HEMK2: variants seen among roughly 807,000 people sequenced by gnomAD.
HEMK2 encodes methyltransferase HEMK2.
At chr21:28,581,997 C>A in the HEMK2 span, among the ~76,000 whole-genome samples, 1 of 152,152 alleles carries the variant, frequency 6.6e-6, no homozygotes, top group African/African-American at 2.4e-5. Context: ...TTACAAAATG[C>A]AAACTGTATT....
the HEMK2 span, among the ~76,000 whole-genome samples, chr21:28,831,749 A>G: frequency 6.7e-6 from 1 of 148,806 alleles, no homozygotes. Context: ...GAAAGAAAGA[A>G]AGAAAGAAAG....
chr21:28,689,977 A>G, the HEMK2 span, among the ~76,000 whole-genome samples: 1 of 152,214 alleles, frequency 6.6e-6, no homozygotes, highest in Non-Finnish European at 1.5e-5. Context: ...TATAAAGGAA[A>G]GAGGTTTAGT....
chr21:28,622,639 G>A, the HEMK2 span, among the ~76,000 whole-genome samples: 21 of 152,072 alleles, frequency 1.4e-4, no homozygotes, highest in South Asian at 4.2e-3. Flanking sequence ...GATATATATA[G>A]AAAATGGAAC....
At chr21:28,592,445 T>C in the HEMK2 span, among the ~76,000 whole-genome samples, 2 of 152,182 alleles carry the variant, frequency 1.3e-5, no homozygotes, top group Non-Finnish European at 2.9e-5. Flanking sequence ...AAACTGCCTG[T>C]AGACAATACG....
At chr21:28,680,580 C>T in the HEMK2 span, among the ~76,000 whole-genome samples, 5 of 152,084 alleles carry the variant, frequency 3.3e-5, no homozygotes, top group Non-Finnish European at 7.4e-5. Context: ...ATACCAAAGC[C>T]GGGCAGAGAC....
At chr21:28,804,172 T>C in the HEMK2 span, among the ~76,000 whole-genome samples, 1 of 152,068 alleles carries the variant, frequency 6.6e-6, no homozygotes, top group Admixed American at 6.6e-5. Flanking sequence ...ATAAAGGCTA[T>C]CTTCTTATGA....
chr21:28,841,388 TAA>T, the HEMK2 span, among the ~76,000 whole-genome samples: 3 of 29,286 alleles, frequency 1.0e-4, no homozygotes, highest in South Asian at 8.3e-4. Context: ...ATATAATATA[TAA>T]AATATTATAT....
the HEMK2 span, among the ~76,000 whole-genome samples, chr21:28,589,534 A>G: frequency 6.6e-6 from 1 of 152,200 alleles, no homozygotes; most frequent in Non-Finnish European, 1.5e-5. Context: ...GGGGTTAACA[A>G]TTCTGAAAGC....
chr21:28,833,348 T>C, the HEMK2 span, among the ~76,000 whole-genome samples: 1 of 152,246 alleles, frequency 6.6e-6, no homozygotes, highest in Non-Finnish European at 1.5e-5. Context: ...ATGTGCCAAG[T>C]GGCAGGTGAC....
At chr21:28,869,988 G>C in the HEMK2 span, among the ~76,000 whole-genome samples, 9 of 152,116 alleles carry the variant, frequency 5.9e-5, no homozygotes, top group African/African-American at 2.2e-4. Flanking sequence ...TTCTCCTCTA[G>C]CCTTTCTCCC....
chr21:28,800,613 C>T, the HEMK2 span, among the ~76,000 whole-genome samples: 1 of 151,616 alleles, frequency 6.6e-6, no homozygotes, highest in Non-Finnish European at 1.5e-5. Context: ...CATGTGTATG[C>T]CTTTGTGTGT....
At chr21:28,860,610 G>A in the HEMK2 span, among the ~76,000 whole-genome samples, 1 of 152,036 alleles carries the variant, frequency 6.6e-6, no homozygotes, top group Non-Finnish European at 1.5e-5. Context: ...AGCAGATACT[G>A]AGCCTCAAAT....
chr21:28,700,761 G>C, the HEMK2 span, among the ~76,000 whole-genome samples: 1 of 152,058 alleles, frequency 6.6e-6, no homozygotes, highest in Non-Finnish European at 1.5e-5. Context: ...TCAGAAAATT[G>C]AGGAGGAGGG....
chr21:28,882,171 T>C, the HEMK2 span: 2 of 1,580,148 alleles, frequency 1.3e-6, no homozygotes, highest in South Asian at 2.3e-5. Flanking sequence ...AAATCTGTAA[T>C]AACTGGTTGA....
the HEMK2 span, among the ~76,000 whole-genome samples, chr21:28,579,908 G>A: frequency 1.3e-5 from 2 of 152,274 alleles, no homozygotes; most frequent in Admixed American, 1.3e-4. Context: ...TCCTCATCGT[G>A]TAAGCAGCTT....
the HEMK2 span, among the ~76,000 whole-genome samples, chr21:28,813,238 A>C: frequency 1.3e-5 from 2 of 152,242 alleles, no homozygotes; most frequent in East Asian, 3.9e-4. Context: ...TAAGCTGATA[A>C]GCAATTTCAG....
the HEMK2 span, among the ~76,000 whole-genome samples, chr21:28,624,034 G>C: frequency 4.6e-5 from 7 of 152,080 alleles, no homozygotes; most frequent in Admixed American, 6.5e-5. Flanking sequence ...AGCAGTTTCA[G>C]ACTCATGAGT....
chr21:28,695,121 C>T, the HEMK2 span, among the ~76,000 whole-genome samples: 1 of 152,102 alleles, frequency 6.6e-6, no homozygotes, highest in Non-Finnish European at 1.5e-5. Flanking sequence ...GCCCAAAATA[C>T]TGCCTGATGC....
the HEMK2 span, among the ~76,000 whole-genome samples, chr21:28,608,719 GT>G: frequency 3.3e-5 from 5 of 152,198 alleles, no homozygotes; most frequent in East Asian, 9.7e-4. Flanking sequence ...GCAGGGCACA[GT>G]GGGAGTGACA....
Sources: allele counts gnomAD v4.1 joint callset (sites outside exome capture counted in the v4.1 genomes callset), GRCh38; gene constraint gnomAD v4.1.1; transcripts MANE v1.5; gene names NCBI Gene and HGNC (gene_info 2026-07-23, HGNC 2026-07-21).